ZDHHC2: variants seen among roughly 807,000 people sequenced by gnomAD.
ZDHHC2 encodes the protein zDHHC palmitoyltransferase 2.
ZDHHC2 carries 51 observed loss-of-function variants against 55.6 expected under a neutral mutation model. The observed-to-expected ratio is 0.92, with a 90% CI of 0.73 to 1.16. The LOEUF is 1.16. Ranked by LOEUF, ZDHHC2 falls within the 50% of genes most tolerant of loss-of-function variation. The pLI is 0.00. For missense variants in ZDHHC2, 491 were observed against 442.4 expected, an observed-to-expected ratio of 1.11 and a Z score of -0.99; for synonymous variants, 199 against 152.9, an observed-to-expected ratio of 1.30 and a Z score of -2.22.
chr8:17,199,626 T>TTC (rs1806620934), intron 6 of ZDHHC2, among the ~76,000 whole-genome samples: 2 of 48,572 alleles, frequency 4.1e-5, no homozygotes, highest in Admixed American at 2.1e-4. Flanking sequence ...TTCTTCTTCC[T>TTC]TTCTTCTTCT....
intron 6 of ZDHHC2, among the ~76,000 whole-genome samples, chr8:17,200,897 C>G (rs1020331790): frequency 6.6e-6 from 1 of 152,090 alleles, no homozygotes; most frequent in African/African-American, 2.4e-5. Context: ...TGTTCACTTC[C>G]CCATCACTTC....
intron 2 of ZDHHC2, 148 bp downstream of exon 2, chr8:17,184,963 C>T: frequency 1.4e-6 from 1 of 697,320 alleles, no homozygotes; most frequent in Non-Finnish European, 2.3e-6. Context: ...CTTAAGTTTG[C>T]AGATTGAATT....
In ZDHHC2 at chr8:17,216,852, G is replaced by A. The variant is rs78335702; in HGVS notation, c.1064-320G>A. ...GTTTGACTAGAATGAGGTTGGTAGA[G>A]GAAGAATTTGGAAACGTTGATGTAA... On this transcript the variant is annotated intron_variant, in intron 11 of 12. Coordinates refer to ENST00000262096, the MANE Select transcript of ZDHHC2 (RefSeq NM_016353.5). 3.0e-3 allele frequency among the ~76,000 whole-genome samples: 452 copies of A among 152,230 alleles called. 20 individuals carry two copies. In the East Asian group the frequency reaches 0.078, roughly 26 times the overall value.
intron 3 of ZDHHC2, among the ~76,000 whole-genome samples, chr8:17,186,863 C>G (rs1030900403): frequency 2.0e-5 from 3 of 152,222 alleles, no homozygotes; most frequent in African/African-American, 7.2e-5. Context: ...TCCACAGCTT[C>G]CAGGTGCCCA....
chr8:17,197,447 A>C (rs369032156), intron 4 of ZDHHC2, 135 bp from the exon 5 acceptor site: 42 of 770,886 alleles, frequency 5.4e-5, no homozygotes, highest in African/African-American at 4.7e-4. Context: ...AACAGCATCA[A>C]ATATCTTATT....
rs1187189167 is a variant in ZDHHC2 at position 17,220,496 on chromosome 8, AAACTTG to A, written c.*276_*281del. The stretch of plus-strand genomic sequence containing the variant: ...CAACGGGGAAAACATCTTCTCCAAA[AAACTTG>A]GAATAAATCCAAGGACCAGTTTTTA... On this transcript the variant is annotated 3_prime_UTR_variant, in exon 13 of 13. Coordinates refer to ENST00000262096, the MANE Select transcript of ZDHHC2 (RefSeq NM_016353.5). 6.6e-6 allele frequency: 1 copy of A among 152,222 alleles called. No homozygotes were observed. The highest frequency in any genetic ancestry group is 1.5e-5 in the Non-Finnish European group (1 of 68,036). 9.4% of individuals were successfully genotyped at this position (152,222 alleles called of 1,614,324 possible).
At chr8:17,203,556 A>G (rs1806921851) in intron 6 of ZDHHC2, among the ~76,000 whole-genome samples, 1 of 151,866 alleles carries the variant, frequency 6.6e-6, no homozygotes, top group Admixed American at 6.6e-5. Flanking sequence ...GTTTTAAAGC[A>G]CCCAGCTTTT....
chr8:17,208,680 T>C (rs761957820), intron 8 of ZDHHC2, among the ~76,000 whole-genome samples: 14 of 152,186 alleles, frequency 9.2e-5, no homozygotes, highest in Non-Finnish European at 1.8e-4. Context: ...TGAAACATTA[T>C]GGAATTCTCA....
chr8:17,157,557 T>C lies in ZDHHC2; in HGVS notation c.130+704T>C, dbSNP rs969256136. ...AGAGCGAAGTGGCTCCAGTCCGAGT[T>C]CGAGGTTCCTGAATTGGTGGGTAGG... On this transcript the variant is annotated intron_variant, in intron 1 of 12. Coordinates refer to ENST00000262096, the MANE Select transcript of ZDHHC2 (RefSeq NM_016353.5). 2.0e-5 allele frequency: 3 copies of C among 152,232 alleles called. No individual in the cohort carries two copies. The East Asian group carries it at 5.8e-4, about 29-fold the overall frequency. The allele number at this position is 152,232 out of a possible 1,614,324, so 9.4% of individuals were successfully genotyped here.
chr8:17,163,367 G>C (rs1804448379), intron 1 of ZDHHC2, among the ~76,000 whole-genome samples: 1 of 152,168 alleles, frequency 6.6e-6, no homozygotes, highest in African/African-American at 2.4e-5. Flanking sequence ...GGTCCAGCGA[G>C]CTCAGGTGTT....
At chr8:17,213,196 G>C (rs963394428) in intron 10 of ZDHHC2, among the ~76,000 whole-genome samples, 1 of 151,792 alleles carries the variant, frequency 6.6e-6, no homozygotes, top group Non-Finnish European at 1.5e-5. Context: ...GGGAATCTTT[G>C]ATAACCCTTT....
chr8:17,186,188 A>G, intron 2 of ZDHHC2, 143 bp from the exon 3 acceptor site: 1 of 562,394 alleles, frequency 1.8e-6, no homozygotes, highest in Non-Finnish European at 3.0e-6. Flanking sequence ...AGTTGTGTTT[A>G]TTCTAGTATA....
At chr8:17,170,634 T>C (rs1294227922) in intron 1 of ZDHHC2, among the ~76,000 whole-genome samples, 2 of 152,340 alleles carry the variant, frequency 1.3e-5, no homozygotes, top group South Asian at 2.1e-4. Context: ...AAAAGATGCA[T>C]TGGTTTTTCT....
chr8:17,166,926 C>T (rs35379098), intron 1 of ZDHHC2, among the ~76,000 whole-genome samples: 37,149 of 151,932 alleles, frequency 0.24, 5,290 homozygotes, highest in South Asian at 0.34. Flanking sequence ...TACCAGTGTA[C>T]GAGTTGCTGG....
At chr8:17,171,984 C>T (rs1409482073) in intron 1 of ZDHHC2, among the ~76,000 whole-genome samples, 4 of 151,882 alleles carry the variant, frequency 2.6e-5, no homozygotes, top group African/African-American at 9.7e-5. Context: ...CAAGCTGACT[C>T]CCAGCACATC....
chr8:17,170,283 T>C (rs1804795038), intron 1 of ZDHHC2, among the ~76,000 whole-genome samples: 1 of 152,242 alleles, frequency 6.6e-6, no homozygotes, highest in South Asian at 2.1e-4. Context: ...TACTCTCGAA[T>C]GTTTTAATAG....
chr8:17,199,545 C>CA (rs1563161293), intron 6 of ZDHHC2, among the ~76,000 whole-genome samples: 2 of 56,098 alleles, frequency 3.6e-5, no homozygotes, highest in Admixed American at 1.7e-4. Flanking sequence ...TCTTCGTCTT[C>CA]TGTCTTCGTC....
At chr8:17,205,041 T>C (rs1807028032) in intron 6 of ZDHHC2, among the ~76,000 whole-genome samples, 1 of 152,176 alleles carries the variant, frequency 6.6e-6, no homozygotes, top group Admixed American at 6.5e-5. Context: ...GTGTTTTACT[T>C]ACAGATAAAG....
chr8:17,199,562 T>TTCTGTCTTCG lies in ZDHHC2; in HGVS notation c.476+1152_476+1153insGTCTTCGTCT, dbSNP rs1563161388. 1.8e-3 allele frequency among the ~76,000 whole-genome samples: 145 copies of TTCTGTCTTCG among 80,714 alleles called. 5 individuals are homozygous for TTCTGTCTTCG. Among genetic ancestry groups the TTCTGTCTTCG allele is most frequent in the Middle Eastern group, 7.1e-3 (1 of 140 alleles). The allele number at this position is 80,714 out of a possible 152,430, so 53.0% of individuals were successfully genotyped here. A position where few individuals can be genotyped will look rare whatever the true frequency, so the allele number is the denominator to read the frequency against. ...TTCGTCTTCTGTCTTCGTCTTCGTC[T>TTCTGTCTTCG]TCTTCGTCTTTGTCTTCTTCTTCTT... On this transcript the variant is annotated intron_variant, in intron 6 of 12. Transcript: ENST00000262096.
Sources: allele counts gnomAD v4.1 joint callset (sites outside exome capture counted in the v4.1 genomes callset), GRCh38; gene constraint gnomAD v4.1.1; transcripts MANE v1.5; gene names NCBI Gene and HGNC (gene_info 2026-07-23, HGNC 2026-07-21).